Variants in TNFAIP3 observed in about 807,000 individuals in gnomAD.
TNFAIP3 encodes tumor necrosis factor alpha-induced protein 3.
Under a neutral mutation model 72.4 loss-of-function variants are expected in TNFAIP3, and 9 were observed. The ratio of observed to expected loss-of-function variants is 0.12; its 90% confidence interval spans 0.07 to 0.22. The LOEUF (loss-of-function observed/expected upper bound fraction) is 0.22, where lower values mean the gene tolerates loss of function less well. Ranked by LOEUF, TNFAIP3 falls within the 10% of genes least tolerant of loss-of-function variation. The pLI, the probability that TNFAIP3 is intolerant of heterozygous loss-of-function variation, is 1.00. For missense variants in TNFAIP3, 833 were observed against 1,018.7 expected (o/e 0.82, Z 2.48); for synonymous variants, 339 against 372.6 (o/e 0.91, Z 1.04).
In TNFAIP3 at chr6:137,881,494, G is replaced by C. The variant is rs1007530662; in HGVS notation, c.*175G>C. The C allele has an allele frequency of 7.3e-6, 4 of 547,246 alleles. No individual in the cohort carries two copies. In the African/African-American group the frequency reaches 7.8e-5, roughly 11 times the overall value. 33.9% of individuals were successfully genotyped at this position (547,246 alleles called of 1,614,324 possible). ...CACGATGCTCAGGTTTGGTAACCCG[G>C]GAGTGTTCCCAGGTGGCCTTAGAAA... On this transcript the variant is annotated 3_prime_UTR_variant, in exon 9 of 9. Coordinates refer to ENST00000612899, the MANE Select transcript of TNFAIP3 (RefSeq NM_001270508.2). This position sits in a 1 kb window ranked among gnomAD's most constrained non-coding sequence, Gnocchi z 5.0.
Position 137,878,569 on chromosome 6 carries a change from C to T in TNFAIP3, c.1124C>T (p.Pro375Leu), listed in dbSNP as rs1401875569. Reference sequence around the variant, plus strand: ...GGGCACGCCCAGAATCCCATGGAACCTTCCGTGCCCCAGCTTTCTCTCATG... The same window carrying T: ...GGGCACGCCCAGAATCCCATGGAACTTTCCGTGCCCCAGCTTTCTCTCATG... ...REGHAQNPME[P>L]SVPQLSLMDV... Residue 375 changes from proline to leucine, a missense_variant, in exon 7 of 9, where the codon CCT becomes CTT. Pro to Leu is a moderately conservative substitution (Grantham distance 98). Around this residue, in one of 2 missense-constraint regions of TNFAIP3, gnomAD observed 587 missense variants for 657.8 expected, o/e 0.89. Coordinates refer to ENST00000612899, the MANE Select transcript of TNFAIP3 (RefSeq NM_001270508.2). The T allele has an allele frequency of 1.9e-6, 3 of 1,614,252 alleles. No individual in the cohort carries two copies. Among genetic ancestry groups the T allele is most frequent in the African/African-American group, 1.3e-5 (1 of 75,064 alleles).
chr6:137,875,275 A>G (rs1177009616), intron 3 of TNFAIP3, among the ~76,000 whole-genome samples: 1 of 152,164 alleles, frequency 6.6e-6, no homozygotes, highest in Non-Finnish European at 1.5e-5. Flanking sequence ...GAGTCTTTTG[A>G]TCATGGCCTT....
In TNFAIP3 at chr6:137,878,807, T is replaced by G. The variant is rs774688478; in HGVS notation, c.1362T>G (p.Thr454=). The G allele has an allele frequency of 3.1e-6, 5 of 1,614,050 alleles. No individual in the cohort carries two copies. In the East Asian group the frequency reaches 1.1e-4, roughly 36 times the overall value. ...TGGCGTGGAACCCTGAGGAGTCCAC[T>G]GGGGGGCCTCATTCGGCCCCACCGA... is the stretch of plus-strand genomic sequence containing the variant. The part of the protein sequence containing the change: ...EPLAWNPEES[T]GGPHSAPPTA... Residue 454 remains threonine, a synonymous_variant, in exon 7 of 9, where the codon ACT becomes ACG. Transcript: ENST00000612899.
intron 1 of TNFAIP3, among the ~76,000 whole-genome samples, chr6:137,869,948 A>T (rs1202247747): frequency 6.6e-6 from 1 of 152,220 alleles, no homozygotes; most frequent in African/African-American, 2.4e-5. Flanking sequence ...GGCTTTTTAC[A>T]GTGTTCCACA....
chr6:137,872,390 A>G (rs2114465714), intron 2 of TNFAIP3, among the ~76,000 whole-genome samples: 1 of 152,348 alleles, frequency 6.6e-6, no homozygotes, highest in Non-Finnish European at 1.5e-5. Context: ...CTCATAGTCT[A>G]CATAAGAGCA....
chr6:137,879,460 G>T (rs1042890074), intron 7 of TNFAIP3, 109 bp downstream of exon 7: 2 of 1,311,578 alleles, frequency 1.5e-6, no homozygotes, highest in Non-Finnish European at 2.1e-6. Flanking sequence ...GAACTGTCAG[G>T]ACCTACCGTG....
Position 137,881,233 on chromosome 6 carries a change from C to A in TNFAIP3, c.2287C>A (p.Arg763=). The A allele has an allele frequency of 3.7e-6, 6 of 1,605,606 alleles. No homozygotes were observed. Among genetic ancestry groups the A allele is most frequent in the Non-Finnish European group, 8.5e-7 (1 of 1,175,718 alleles). Residue 763 remains arginine, a synonymous_variant, in exon 9 of 9, where the codon CGG becomes AGG. Transcript: ENST00000612899. This position sits in a 1 kb window ranked among gnomAD's most constrained non-coding sequence, Gnocchi z 5.0. ...APEDPPKQRC[R]APACDHFGNA... is the part of the protein sequence containing the mutation. ...CGAAGACCCCCCCAAGCAGCGTTGC[C>A]GGGCCCCCGCCTGTGATCATTTTGG...
intron 5 of TNFAIP3, 114 bp downstream of exon 5, chr6:137,876,280 ATTG>A (rs1776244137): frequency 2.2e-6 from 2 of 906,852 alleles, no homozygotes; most frequent in Admixed American, 2.6e-5. Context: ...ATTTAAATAT[ATTG>A]TTCTGTGACT....
At position 137,871,221 on chromosome 6, in the gene TNFAIP3, G is replaced by C. The variant is rs2114456944; in HGVS notation, c.-7G>C. 6.2e-7 allele frequency: 1 copy of C among 1,603,032 alleles called. No homozygotes were observed. The highest frequency in any genetic ancestry group is 1.1e-5 in the South Asian group (1 of 89,618). ...TTTCCTTTCCTTTTCAGGTGTTGGAGAGCACAATGGCTGAACAAGTCCTTC... is the reference window on the plus strand; with the variant it reads ...TTTCCTTTCCTTTTCAGGTGTTGGACAGCACAATGGCTGAACAAGTCCTTC... On this transcript the variant is annotated 5_prime_UTR_variant, in exon 2 of 9. Transcript: ENST00000612899. The surrounding 1 kb of genome is among the most constrained non-coding windows in gnomAD (Gnocchi z 4.2).
At chr6:137,872,826 A>C (rs1776105751) in intron 2 of TNFAIP3, among the ~76,000 whole-genome samples, 1 of 152,234 alleles carries the variant, frequency 6.6e-6, no homozygotes, top group South Asian at 2.1e-4. Context: ...TTTGTTACCA[A>C]AAAGAGATGG....
rs1002112234 is a variant in TNFAIP3, at chr6:137,882,926, G to T, written c.*1607G>T. The T allele has an allele frequency of 8.8e-6, 2 of 226,638 alleles. No individual in the cohort carries two copies. The highest frequency in any genetic ancestry group is 5.7e-5 in the Admixed American group (1 of 17,524). 14.0% of individuals were successfully genotyped at this position (226,638 alleles called of 1,614,324 possible). On this transcript the variant is annotated 3_prime_UTR_variant, in exon 9 of 9. Transcript: ENST00000612899. ...AGAGATAAAGGCTGCCATTTTGGGG[G>T]TCTGTACTTATGGCCTGAAAATATT...
intron 2 of TNFAIP3, 79 bp from the exon 3 acceptor site, chr6:137,874,766 G>A: frequency 2.1e-6 from 3 of 1,447,396 alleles, no homozygotes; most frequent in Non-Finnish European, 2.8e-6. Flanking sequence ...AGTAGGGCTG[G>A]TTTATTCTGA....
rs142253225 is a variant in TNFAIP3, at chr6:137,880,103, A to C, written c.1939A>C (p.Thr647Pro). Residue 647 changes from threonine to proline, a missense_variant, in exon 8 of 9, where the codon ACA becomes CCA. Physicochemically the swap from Thr to Pro is conservative, Grantham distance 38. Transcript: ENST00000612899. Reference sequence around the variant, plus strand: ...TGCTGCCTCAGGGAAAGTCAGTCCCACAGCGTCCAGGTTCCAGAACACCAT... The same window carrying C: ...TGCTGCCTCAGGGAAAGTCAGTCCCCCAGCGTCCAGGTTCCAGAACACCAT... ...FAAASGKVSP[T>P]ASRFQNTIPC... 2.0e-3 allele frequency: 3,217 copies of C among 1,614,182 alleles called. 2 individuals carry two copies. Among genetic ancestry groups the C allele is most frequent in the Middle Eastern group, 0.016 (96 of 6,062 alleles).
At position 137,872,476 on chromosome 6, in the gene TNFAIP3, C is replaced by T. The variant is rs567449916; in HGVS notation, c.295+954C>T. The stretch of plus-strand genomic sequence containing the variant: ...ATAATATGTCCAAGGGCAGAAAATC[C>T]TTGTTGACAAGGATTACGATAAGAA... On this transcript the variant is annotated intron_variant, in intron 2 of 8. Transcript: ENST00000612899. Among the ~76,000 whole-genome samples, 17 of 152,268 alleles carry T rather than the reference C, an allele frequency of 1.1e-4. No individual in the cohort carries two copies. The East Asian group carries it at 3.3e-3, about 29-fold the overall frequency.
chr6:137,881,117 T>C lies in TNFAIP3; in HGVS notation c.2171T>C (p.Ile724Thr). The C allele has an allele frequency of 6.2e-7, 1 of 1,613,708 alleles. No homozygotes were observed. Among genetic ancestry groups the C allele is most frequent in the Non-Finnish European group, 8.5e-7 (1 of 1,179,938 alleles). ...TGCGCCCGGGCCTCCTGCAAGAACATCCTGGCCTGCCGCAGCGAGGAGCTC... is the reference window on the plus strand; with the variant it reads ...TGCGCCCGGGCCTCCTGCAAGAACACCCTGGCCTGCCGCAGCGAGGAGCTC... ...PKCARASCKN[I>T]LACRSEELCM... Residue 724 changes from isoleucine to threonine, a missense_variant, in exon 9 of 9, where the codon ATC becomes ACC. Physicochemically the swap from Ile to Thr is moderately conservative, Grantham distance 89. Coordinates refer to ENST00000612899, the MANE Select transcript of TNFAIP3 (RefSeq NM_001270508.2). This position sits in a 1 kb window ranked among gnomAD's most constrained non-coding sequence, Gnocchi z 5.0.
intron 1 of TNFAIP3, among the ~76,000 whole-genome samples, chr6:137,869,603 A>G (rs1032724655): frequency 6.6e-6 from 1 of 152,104 alleles, no homozygotes; most frequent in South Asian, 2.1e-4. Context: ...ATCACCAGAA[A>G]ACTCCTCAGG....
Position 137,883,021 on chromosome 6 carries a change from T to A in TNFAIP3, c.*1702T>A, listed in dbSNP as rs988921950. The A allele has an allele frequency of 1.4e-5, 3 of 221,098 alleles. No individual in the cohort carries two copies. The highest frequency in any genetic ancestry group is 6.7e-5 in the African/African-American group (3 of 44,592). 13.7% of individuals were successfully genotyped at this position (221,098 alleles called of 1,614,324 possible). ...CACTTTCCCCTTAGAGCCCCCTAAGTTTTTCCCAGACGAATCTTTATAATT... is the reference window on the plus strand; with the variant it reads ...CACTTTCCCCTTAGAGCCCCCTAAGATTTTCCCAGACGAATCTTTATAATT... On this transcript the variant is annotated 3_prime_UTR_variant, in exon 9 of 9. Coordinates refer to ENST00000612899, the MANE Select transcript of TNFAIP3 (RefSeq NM_001270508.2).
At position 137,867,635 on chromosome 6, in the gene TNFAIP3, C is replaced by T; in HGVS notation, c.-16+93C>T. The stretch of plus-strand genomic sequence containing the variant: ...TGGGCAGCGACCCCCGGGCTGGCAC[C>T]GTCTACCTGGCGTTGGTTTTGCAGC... On this transcript the variant is annotated intron_variant, in intron 1 of 8. Coordinates refer to ENST00000612899, the MANE Select transcript of TNFAIP3 (RefSeq NM_001270508.2). This position sits in a 1 kb window ranked among gnomAD's most constrained non-coding sequence, Gnocchi z 6.0. 1 of 153,002 alleles carries T rather than the reference C, an allele frequency of 6.5e-6. No homozygotes were observed. The highest frequency in any genetic ancestry group is 1.9e-4 in the East Asian group (1 of 5,326). The allele number at this position is 153,002 out of a possible 1,614,324, so 9.5% of individuals were successfully genotyped here. A position where few individuals can be genotyped will look rare whatever the true frequency, so the allele number is the denominator to read the frequency against.
At chr6:137,877,333 C>T in intron 6 of TNFAIP3, 77 bp downstream of exon 6, 2 of 1,348,280 alleles carry the variant, frequency 1.5e-6, no homozygotes, top group Admixed American at 4.7e-5. Context: ...TTGCTGCCAC[C>T]CTGAAGCTCA....
Sources: gnomAD v4.1 joint callset for allele counts (sites outside exome capture counted in the v4.1 genomes callset) on GRCh38, gnomAD v4.1.1 for gene constraint, gnomAD v4.1.1 regional missense constraint, Gnocchi (gnomAD v3.1) non-coding constraint, MANE v1.5 for transcripts, NCBI Gene and HGNC (gene_info 2026-07-23, HGNC 2026-07-21) for gene names.